CLN6: variants seen among roughly 807,000 people sequenced by gnomAD.
The protein encoded by CLN6 is ceroid-lipofuscinosis neuronal protein 6.
A neutral mutation model predicts 33.3 loss-of-function variants in CLN6; 22 were observed. That is an observed-to-expected ratio of 0.66 (90% CI 0.47 to 0.94). The LOEUF is 0.94. Among genes scored for constraint, CLN6 ranks in the 40% least tolerant of loss-of-function variants. The pLI is 0.00. For synonymous variants in CLN6, 201 were observed against 174.6 expected, an observed-to-expected ratio of 1.15 and a Z score of -1.19; for missense variants, 387 against 417.1, an observed-to-expected ratio of 0.93 and a Z score of 0.63.
Position 68,208,511 on chromosome 15 carries a change from G to T in CLN6, c.666-101C>A. The T allele has an allele frequency of 7.5e-7, 1 of 1,330,374 alleles. No individual in the cohort carries two copies. The highest frequency in any genetic ancestry group is 1.1e-6 in the Non-Finnish European group (1 of 943,612). The allele number at this position is 1,330,374 out of a possible 1,614,324, so 82.4% of individuals were successfully genotyped here. A position where few individuals can be genotyped will look rare whatever the true frequency, so the allele number is the denominator to read the frequency against. On this transcript the variant is annotated intron_variant, in intron 6 of 6. Transcript: ENST00000249806. This position sits in a 1 kb window ranked among gnomAD's most constrained non-coding sequence, Gnocchi z 5.8. ...AGCCAGGCTGCCCTCCAGGCAGGCAGAAGAGTCCTCTGGTGCCAGGGCTCA... is the reference window on the plus strand; with the variant it reads ...AGCCAGGCTGCCCTCCAGGCAGGCATAAGAGTCCTCTGGTGCCAGGGCTCA...
chr15:68,248,049 A>C (rs925477720), intron 1 of CLN6, among the ~76,000 whole-genome samples: 6 of 150,930 alleles, frequency 4.0e-5, no homozygotes, highest in Non-Finnish European at 4.4e-5. Flanking sequence ...AAAAAAGAAC[A>C]AATCTGGAAG....
At chr15:68,221,324 C>T (rs960499221) in intron 1 of CLN6, among the ~76,000 whole-genome samples, 14 of 151,452 alleles carry the variant, frequency 9.2e-5, no homozygotes, top group South Asian at 6.3e-4. Context: ...CTCCCTGCCT[C>T]GGGCTCCCGT....
Position 68,256,895 on chromosome 15 carries a change from C to T in CLN6, c.-27G>A. The T allele has an allele frequency of 3.0e-6, 2 of 672,810 alleles. No individual in the cohort carries two copies. The highest frequency in any genetic ancestry group is 2.9e-4 in the Middle Eastern group (1 of 3,400). The allele number at this position is 672,810 out of a possible 1,614,324, so 41.7% of individuals were successfully genotyped here. ...TTCCGCCCAGGCAAGGTCCTGGGCG[C>T]GGCTCTGGGGAGGGTCAGGGTGCGC... On this transcript the variant is annotated 5_prime_UTR_variant, in exon 1 of 7. Coordinates refer to the CLN6 transcript ENST00000538696. The surrounding 1 kb of genome is among the most constrained non-coding windows in gnomAD (Gnocchi z 4.1).
chr15:68,218,997 G>C (rs1287297787), intron 1 of CLN6, among the ~76,000 whole-genome samples: 1 of 152,214 alleles, frequency 6.6e-6, no homozygotes, highest in Non-Finnish European at 1.5e-5. Flanking sequence ...GATCATGGCA[G>C]CTGACCTTAG....
At chr15:68,244,656 C>T (rs1419596872) in intron 1 of CLN6, among the ~76,000 whole-genome samples, 1 of 151,938 alleles carries the variant, frequency 6.6e-6, no homozygotes, top group Non-Finnish European at 1.5e-5. Context: ...CAAAGACAAC[C>T]CCAGAATACT....
rs150528709 is a variant in CLN6, at chr15:68,220,999, TTTATTATTATTA to T, written c.84-2361_84-2350del. On this transcript the variant is annotated intron_variant, in intron 1 of 6. Coordinates refer to ENST00000249806, the MANE Select transcript of CLN6 (RefSeq NM_017882.3). The surrounding 1 kb of genome is among the most constrained non-coding windows in gnomAD (Gnocchi z 4.2). ...TGCCACTATGCCCAGCTAATTTTAT[TTTATTATTATTA>T]TTATTATTATTATTATTTTTTGTAG... is the stretch of plus-strand genomic sequence containing the variant. 2.1e-5 allele frequency among the ~76,000 whole-genome samples: 3 copies of T among 146,192 alleles called. No homozygotes were observed. The highest frequency in any genetic ancestry group is 2.2e-4 in the South Asian group (1 of 4,538).
chr15:68,225,669 C>A (rs921123105), intron 1 of CLN6, among the ~76,000 whole-genome samples: 5 of 152,160 alleles, frequency 3.3e-5, no homozygotes, highest in African/African-American at 9.7e-5. Context: ...AAAATTTTTC[C>A]TTTTTTCTAA....
chr15:68,214,594 G>A, intron 2 of CLN6: 1 of 551,168 alleles, frequency 1.8e-6, no homozygotes, highest in Admixed American at 2.5e-5. Flanking sequence ...GAGTCCCAGA[G>A]GAGGTAACGG....
chr15:68,229,752 GGCGGA>G (rs55672378), upstream of CLN6: 78 of 328,114 alleles, frequency 2.4e-4, no homozygotes, highest in South Asian at 5.4e-4. Context: ...CCCGGGGCGG[GGCGGA>G]GCGGAGCGGA....
intron 1 of CLN6, chr15:68,254,426 TA>T: frequency 3.8e-6 from 1 of 262,902 alleles, no homozygotes; most frequent in Non-Finnish European, 7.4e-6. Context: ...GCACTTGAAA[TA>T]AGATGTGCTG....
At chr15:68,233,193 C>T (rs774017629), upstream of CLN6, among the ~76,000 whole-genome samples, 5 of 151,998 alleles carry the variant, frequency 3.3e-5, no homozygotes, top group Non-Finnish European at 5.9e-5. The surrounding 1 kb of genome is among the most constrained non-coding windows in gnomAD (Gnocchi z 4.3). Flanking sequence ...TCCCAGCCAC[C>T]ACACTCCCCA....
intron 1 of CLN6, among the ~76,000 whole-genome samples, chr15:68,250,584 C>T (rs1892368640): frequency 6.8e-6 from 1 of 146,696 alleles, no homozygotes; most frequent in Non-Finnish European, 1.5e-5. Context: ...AAGATCGCAC[C>T]ACTGCACTCC....
rs562121079 is a variant in CLN6, at chr15:68,210,006, C to T, written c.543-247G>A. ...CCAGAGGCATCCACACCGCCCAGGG[C>T]ACCTCACTCACTCCGTGGGGGTAAG... On this transcript the variant is annotated intron_variant, in intron 5 of 6. Transcript: ENST00000249806. This position sits in a 1 kb window ranked among gnomAD's most constrained non-coding sequence, Gnocchi z 5.6. Among the ~76,000 whole-genome samples the T allele has an allele frequency of 3.9e-5, 6 of 152,280 alleles. No individual in the cohort carries two copies. The highest frequency in any genetic ancestry group is 6.5e-5 in the Admixed American group (1 of 15,302).
chr15:68,223,705 G>A (rs2093244107), intron 1 of CLN6, among the ~76,000 whole-genome samples: 1 of 151,164 alleles, frequency 6.6e-6, no homozygotes, highest in South Asian at 2.1e-4. Flanking sequence ...TGGTCAATGA[G>A]AATCCCTGTC....
chr15:68,237,807 TAAAA>T (rs1267329457), intron 1 of CLN6, among the ~76,000 whole-genome samples: 3 of 152,146 alleles, frequency 2.0e-5, no homozygotes, highest in Admixed American at 6.5e-5. Flanking sequence ...AGCCCACAGA[TAAAA>T]GAAAGACAGC....
rs2093201028 is a variant in CLN6, at chr15:68,210,250, C to T, written c.543-491G>A. 6.6e-6 allele frequency among the ~76,000 whole-genome samples: 1 copy of T among 151,926 alleles called. No individual in the cohort carries two copies. The highest frequency in any genetic ancestry group is 6.6e-5 in the Admixed American group (1 of 15,256). ...ACCTCACCCCAAAATACTACCCTCT[C>T]CCCTCTCCACACACCGGCTCCCTTT... On this transcript the variant is annotated intron_variant, in intron 5 of 6. Transcript: ENST00000249806. The surrounding 1 kb of genome is among the most constrained non-coding windows in gnomAD (Gnocchi z 5.6).
rs1185282310 is a variant in CLN6 at position 68,229,686 on chromosome 15, TCGGGGCGGGC to T, written c.-112_-103del. 4 of 970,776 alleles carry T rather than the reference TCGGGGCGGGC, an allele frequency of 4.1e-6. No individual in the cohort carries two copies. The highest frequency in any genetic ancestry group is 4.1e-6 in the Non-Finnish European group (3 of 731,792). The allele number at this position is 970,776 out of a possible 1,614,324, so 60.1% of individuals were successfully genotyped here. On this transcript the variant is annotated 5_prime_UTR_variant, in exon 1 of 7. Coordinates refer to ENST00000249806, the MANE Select transcript of CLN6 (RefSeq NM_017882.3). The stretch of plus-strand genomic sequence containing the variant: ...CCGCAAATTCCCAGCGCGGGGCGGT[TCGGGGCGGGC>T]CGGCGAGAGCGCGCGGCCCTCGGGA...
upstream of CLN6, among the ~76,000 whole-genome samples, chr15:68,230,254 T>G (rs1434265230): frequency 6.6e-6 from 1 of 150,530 alleles, no homozygotes; most frequent in Non-Finnish European, 1.5e-5. This position sits in a 1 kb window ranked among gnomAD's most constrained non-coding sequence, Gnocchi z 4.0. Context: ...GGGAGAAGAG[T>G]TCAGGCAGTG....
chr15:68,220,249 T>A lies in CLN6; in HGVS notation c.84-1599A>T, dbSNP rs764748183. On this transcript the variant is annotated intron_variant, in intron 1 of 6. Coordinates refer to ENST00000249806, the MANE Select transcript of CLN6 (RefSeq NM_017882.3). This position sits in a 1 kb window ranked among gnomAD's most constrained non-coding sequence, Gnocchi z 4.2. Reference sequence around the variant, plus strand: ...CCACCCCCTCACTGAACACCAACTATGTGCAATGCTAGGTCTTTACCTGCA... The same window carrying A: ...CCACCCCCTCACTGAACACCAACTAAGTGCAATGCTAGGTCTTTACCTGCA... Among the ~76,000 whole-genome samples the A allele has an allele frequency of 6.6e-5, 10 of 152,214 alleles. No homozygotes were observed. Among genetic ancestry groups the A allele is most frequent in the Non-Finnish European group, 1.2e-4 (8 of 68,032 alleles).
Sources: gnomAD v4.1 joint callset for allele counts (sites outside exome capture counted in the v4.1 genomes callset) on GRCh38, gnomAD v4.1.1 for gene constraint, Gnocchi (gnomAD v3.1) non-coding constraint, MANE v1.5 for transcripts, NCBI Gene and HGNC (gene_info 2026-07-23, HGNC 2026-07-21) for gene names.